Variants in MTMR8 observed in about 807,000 individuals in gnomAD.
MTMR8 encodes the protein myotubularin related protein 8, also known as phosphatidylinositol-3,5-bisphosphate 3-phosphatase MTMR8.
In MTMR8, 65 loss-of-function variants were observed where a neutral mutation model predicts 39.3. That is an observed-to-expected ratio of 1.65 (90% CI 1.35 to 2.03). The LOEUF (loss-of-function observed/expected upper bound fraction) is 2.03. Among genes scored for constraint, MTMR8 ranks in the 30% most tolerant of loss-of-function variants. MTMR8 has a pLI of 0.00. For missense variants in MTMR8, 777 were observed against 538.9 expected, an observed-to-expected ratio of 1.44 and a Z score of -4.37; for synonymous variants, 245 against 185.2, an observed-to-expected ratio of 1.32 and a Z score of -2.62.
At chrX:64,322,592 T>A (rs1922681924) in intron 12 of MTMR8, among the ~76,000 whole-genome samples, 1 of 112,116 alleles carries the variant, frequency 8.9e-6, no homozygotes, top group Non-Finnish European at 1.9e-5. Flanking sequence ...ACTGTACACC[T>A]TTCCCTCACC....
intron 1 of MTMR8, among the ~76,000 whole-genome samples, chrX:64,384,393 T>A (rs1233929991): frequency 9.0e-6 from 1 of 111,585 alleles, no homozygotes; most frequent in East Asian, 2.8e-4. Context: ...CTCCACTAGG[T>A]AGTGCCCTGG....
chrX:64,387,412 A>G (rs1238818089), intron 1 of MTMR8, among the ~76,000 whole-genome samples: 1 of 111,024 alleles, frequency 9.0e-6, no homozygotes. Flanking sequence ...CACTTAAAGA[A>G]CAGTCTTTGA....
chrX:64,302,895 G>A, intron 12 of MTMR8, among the ~76,000 whole-genome samples: 1 of 112,071 alleles, frequency 8.9e-6, no homozygotes, highest in African/African-American at 3.2e-5. Context: ...TAATAGACAT[G>A]TCAGCTCCGT....
At chrX:64,270,013 C>A (rs1931723432) in intron 13 of MTMR8, among the ~76,000 whole-genome samples, 1 of 110,689 alleles carries the variant, frequency 9.0e-6, no homozygotes, top group Non-Finnish European at 1.9e-5. Flanking sequence ...GGCACCTTCC[C>A]TGGCCTTGTG....
chrX:64,318,701 G>GT lies in MTMR8; in HGVS notation c.1481+10070dup, dbSNP rs1368895527. Among the ~76,000 whole-genome samples, 84 of 89,368 alleles carry GT rather than the reference G, an allele frequency of 9.4e-4. 1 individual carries two copies. The highest frequency in any genetic ancestry group is 3.6e-3 in the African/African-American group (69 of 19,190). The allele number at this position is 89,368 out of a possible 115,157, so 77.6% of individuals were successfully genotyped here. On this transcript the variant is annotated intron_variant, in intron 12 of 13. Transcript: ENST00000374852. Reference sequence around the variant, plus strand: ...AAACTAGTTTGTTTGGTTTGGTTTGGTTTTTTGTTTTTTTTTTTTTTTTTG... The same window carrying GT: ...AAACTAGTTTGTTTGGTTTGGTTTGGTTTTTTTGTTTTTTTTTTTTTTTTTG...
Position 64,356,267 on chromosome X carries a change from GC to G in MTMR8, c.218del (p.Arg73ProfsTer12). 8.3e-7 allele frequency: 1 copy of G among 1,210,161 alleles called. No individual in the cohort carries two copies. ...ITSLGCPLTL[R>X]CKNFRVAHFV... ...AGTGGGCCACCCGGAAATTCTTGCA[GC>G]GGAGGGTCAGGGGACAACCCAGGCT... On this transcript the variant is annotated frameshift_variant, in exon 3 of 14. Transcript: ENST00000374852. LOFTEE classifies it high-confidence loss of function.
intron 1 of MTMR8, among the ~76,000 whole-genome samples, chrX:64,372,998 T>C (rs1924168244): frequency 8.9e-6 from 1 of 111,856 alleles, no homozygotes. Context: ...AGGAAGTATG[T>C]CCAAGCCAAA....
At chrX:64,324,811 C>A (rs1602131980) in intron 12 of MTMR8, among the ~76,000 whole-genome samples, 1 of 40,417 alleles carries the variant, frequency 2.5e-5, no homozygotes. Context: ...CCTTGTTGCT[C>A]ACCAAAAAAA....
rs370503510 is a variant in MTMR8 at position 64,331,726 on chromosome X, C to G, written c.1183G>C (p.Val395Leu). ...AGGAACTGGGTGAAGATAGGGGACA[C>G]TTCTTTAGAGTCCCCATCGAGGTGG... ...CGHLDGDSKE[V>L]SPIFTQFLDC... Residue 395 changes from valine (V) to leucine (L), a missense_variant, in exon 11 of 14, where the codon GTG (valine) becomes CTG (leucine). Coordinates refer to ENST00000374852, the MANE Select transcript of MTMR8 (RefSeq NM_017677.4). 8.3e-7 allele frequency: 1 copy of G among 1,210,107 alleles called. No individual in the cohort carries two copies. Among genetic ancestry groups the G allele is most frequent in the Non-Finnish European group, 1.1e-6 (1 of 894,404 alleles).
intron 1 of MTMR8, among the ~76,000 whole-genome samples, chrX:64,361,917 G>GA (rs751195618): frequency 2.7e-5 from 3 of 110,071 alleles, no homozygotes; most frequent in East Asian, 2.9e-4. Context: ...CATTCAACTA[G>GA]AAAAAAATGA....
intron 4 of MTMR8, among the ~76,000 whole-genome samples, chrX:64,351,304 C>T (rs1316777978): frequency 1.8e-5 from 2 of 111,081 alleles, no homozygotes; most frequent in African/African-American, 6.6e-5. Context: ...CTCATCAATC[C>T]CCATACCTAG....
chrX:64,329,532 C>G (rs1922888167), intron 11 of MTMR8, among the ~76,000 whole-genome samples: 1 of 111,347 alleles, frequency 9.0e-6, no homozygotes, highest in African/African-American at 3.3e-5. Context: ...TACTTTAGTT[C>G]AGACCATGGG....
At chrX:64,297,290 G>T (rs1419332169) in intron 12 of MTMR8, among the ~76,000 whole-genome samples, 1 of 109,051 alleles carries the variant, frequency 9.2e-6, no homozygotes, top group Non-Finnish European at 1.9e-5. Flanking sequence ...GTGTGAGATA[G>T]TATCTCATAG....
chrX:64,275,152 C>T (rs1257015050), intron 12 of MTMR8, among the ~76,000 whole-genome samples: 3 of 111,082 alleles, frequency 2.7e-5, no homozygotes, highest in Non-Finnish European at 5.7e-5. Flanking sequence ...CAAAACATCA[C>T]ATTGTACCCC....
chrX:64,374,344 T>C (rs757450702), intron 1 of MTMR8, among the ~76,000 whole-genome samples: 4 of 112,132 alleles, frequency 3.6e-5, no homozygotes, highest in Non-Finnish European at 7.5e-5. Flanking sequence ...TCTACTATTT[T>C]CAGACTATGG....
intron 12 of MTMR8, among the ~76,000 whole-genome samples, chrX:64,311,343 GT>G (rs894010716): frequency 6.4e-5 from 7 of 109,385 alleles, no homozygotes; most frequent in African/African-American, 1.7e-4. Flanking sequence ...TTTTGATGGG[GT>G]TTTTTTTTCT....
intron 12 of MTMR8, among the ~76,000 whole-genome samples, chrX:64,310,171 A>G (rs749509991): frequency 5.0e-4 from 56 of 112,175 alleles, no homozygotes; most frequent in Non-Finnish European, 9.2e-4. Flanking sequence ...CTAAGTTTAT[A>G]TAATATTATA....
At chrX:64,311,965 T>C (rs1922317971) in intron 12 of MTMR8, among the ~76,000 whole-genome samples, 1 of 111,110 alleles carries the variant, frequency 9.0e-6, no homozygotes, top group African/African-American at 3.3e-5. Flanking sequence ...TCTTTTTGCT[T>C]AGGATTGTCT....
Position 64,269,103 on chromosome X carries a change from C to T in MTMR8, c.1609-60G>A, listed in dbSNP as rs1931698650. 16 of 1,109,756 alleles carry T rather than the reference C, an allele frequency of 1.4e-5. No homozygotes were observed. In the South Asian group the frequency reaches 1.9e-4, roughly 13 times the overall value. The allele number at this position is 1,109,756 out of a possible 1,213,427, so 91.5% of individuals were successfully genotyped here. ...AGAAACAGGAGAAAAACTAGGCAAA[C>T]ATTACCTTGATCTGCAGAGATCCTA... On this transcript the variant is annotated intron_variant, in intron 13 of 13. Coordinates refer to ENST00000374852, the MANE Select transcript of MTMR8 (RefSeq NM_017677.4).
Sources: allele counts gnomAD v4.1 joint callset (sites outside exome capture counted in the v4.1 genomes callset), GRCh38; gene constraint gnomAD v4.1.1; transcripts MANE v1.5; gene names NCBI Gene and HGNC (gene_info 2026-07-23, HGNC 2026-07-21).